Variants in TRDN observed in about 807,000 individuals in gnomAD.
The protein encoded by TRDN is triadin in skeletal muscle.
In TRDN, 161 loss-of-function variants were observed where a neutral mutation model predicts 149.7. The observed-to-expected ratio is 1.08, with a 90% CI of 0.95 to 1.23. The LOEUF is 1.23. Among genes scored for constraint, TRDN ranks in the 50% most tolerant of loss-of-function variants. The pLI is 0.00. For synonymous variants in TRDN, 294 were observed against 250.5 expected (o/e 1.17, Z -1.64); for missense variants, 896 against 823.5 (o/e 1.09, Z -1.08).
At chr6:123,605,174 C>T (rs1043772860) in intron 1 of TRDN, among the ~76,000 whole-genome samples, 4 of 150,602 alleles carry the variant, frequency 2.7e-5, no homozygotes, top group African/African-American at 7.3e-5. Context: ...GCCTTCTATC[C>T]TCATTTTATT....
intron 1 of TRDN, among the ~76,000 whole-genome samples, chr6:123,572,501 G>A (rs9385304): frequency 0.55 from 83,193 of 151,888 alleles, 22,902 homozygotes; most frequent in Admixed American, 0.57. Flanking sequence ...CACTTGACTC[G>A]TAGAAAGTTA....
chr6:123,592,374 A>G (rs959435686), intron 1 of TRDN, among the ~76,000 whole-genome samples: 13 of 152,196 alleles, frequency 8.5e-5, no homozygotes, highest in African/African-American at 3.1e-4. Context: ...GTTAAAAAAT[A>G]AATGAAAAAT....
Position 123,260,608 on chromosome 6 carries a change from T to G in TRDN, c.1831+4A>C, listed in dbSNP as rs1190432481. The G allele has an allele frequency of 6.8e-7, 1 of 1,468,148 alleles. No homozygotes were observed. The highest frequency in any genetic ancestry group is 9.0e-7 in the Non-Finnish European group (1 of 1,107,548). The allele number at this position is 1,468,148 out of a possible 1,614,324, so 90.9% of individuals were successfully genotyped here. ...TTATCTCCTCTGAAAAAGTAAATATTTACCTGATTCTGTGACTTCTGATGT... is the reference window on the plus strand; with the variant it reads ...TTATCTCCTCTGAAAAAGTAAATATGTACCTGATTCTGTGACTTCTGATGT... On this transcript the variant is annotated splice_donor_region_variant and intron_variant, in intron 34 of 40. Coordinates refer to ENST00000334268, the MANE Select transcript of TRDN (RefSeq NM_006073.4).
intron 10 of TRDN, among the ~76,000 whole-genome samples, chr6:123,456,131 G>A (rs944757037): frequency 2.1e-4 from 32 of 152,072 alleles, no homozygotes; most frequent in African/African-American, 7.5e-4. Context: ...TTTAAAATAT[G>A]ATTTGACTTT....
At chr6:123,231,220 C>A (rs1289982240) in intron 38 of TRDN, among the ~76,000 whole-genome samples, 1 of 151,806 alleles carries the variant, frequency 6.6e-6, no homozygotes, top group Non-Finnish European at 1.5e-5. Flanking sequence ...ATTTACAAAC[C>A]CATATAGAGA....
intron 24 of TRDN, among the ~76,000 whole-genome samples, chr6:123,286,262 T>G (rs548498231): frequency 2.0e-5 from 3 of 152,024 alleles, no homozygotes; most frequent in African/African-American, 7.2e-5. Context: ...TGCAAAAACA[T>G]GGAATCACCC....
At chr6:123,352,899 T>C (rs1780521342) in intron 20 of TRDN, among the ~76,000 whole-genome samples, 1 of 151,932 alleles carries the variant, frequency 6.6e-6, no homozygotes, top group South Asian at 2.1e-4. Context: ...TCTACTTGCA[T>C]TCCAGGTTAT....
chr6:123,350,969 C>A, intron 21 of TRDN: 1 of 985,028 alleles, frequency 1.0e-6, no homozygotes, highest in Non-Finnish European at 1.2e-6. Flanking sequence ...ATGAAACTGA[C>A]ACCAATGTGA....
At chr6:123,615,707 A>C (rs1304994776) in intron 1 of TRDN, among the ~76,000 whole-genome samples, 1 of 152,174 alleles carries the variant, frequency 6.6e-6, no homozygotes, top group East Asian at 1.9e-4. Context: ...AGTTGATCTC[A>C]TAGACGTAGA....
In TRDN at chr6:123,557,809, C is replaced by T. The variant is rs537179219; in HGVS notation, c.233-9197G>A. Among the ~76,000 whole-genome samples, 3 of 151,716 alleles carry T rather than the reference C, an allele frequency of 2.0e-5. No individual in the cohort carries two copies. In the South Asian group the frequency reaches 6.3e-4, roughly 32 times the overall value. On this transcript the variant is annotated intron_variant, in intron 2 of 40. Coordinates refer to ENST00000334268, the MANE Select transcript of TRDN (RefSeq NM_006073.4). ...ACTTTCCTGGGGGGCAAGCACCCCC[C>T]CCACCCCTTCTCTCCATGTCTCTAC... is the stretch of plus-strand genomic sequence containing the variant.
intron 2 of TRDN, among the ~76,000 whole-genome samples, chr6:123,552,949 T>C (rs978463410): frequency 1.3e-5 from 2 of 152,162 alleles, no homozygotes; most frequent in African/African-American, 4.8e-5. Context: ...TTAGAACATA[T>C]TCAGTTAGTG....
intron 24 of TRDN, among the ~76,000 whole-genome samples, chr6:123,313,465 T>C (rs1367504526): frequency 6.6e-6 from 1 of 151,942 alleles, no homozygotes; most frequent in East Asian, 1.9e-4. Flanking sequence ...TGAATGGAGA[T>C]TTTTGTTTGT....
intron 2 of TRDN, among the ~76,000 whole-genome samples, chr6:123,558,462 T>C (rs1289490944): frequency 6.6e-6 from 1 of 152,148 alleles, no homozygotes; most frequent in African/African-American, 2.4e-5. Flanking sequence ...TGGCTGGAGC[T>C]AAAAGCATAG....
intron 31 of TRDN, among the ~76,000 whole-genome samples, chr6:123,268,823 A>T (rs1232478043): frequency 2.0e-5 from 3 of 152,026 alleles, no homozygotes; most frequent in Non-Finnish European, 4.4e-5. Flanking sequence ...TGCAGCCAAT[A>T]TTCAAGGTAT....
intron 9 of TRDN, chr6:123,469,618 T>C (rs537064799): frequency 8.5e-5 from 13 of 152,440 alleles, no homozygotes; most frequent in African/African-American, 3.1e-4. Flanking sequence ...GTACTTTGCG[T>C]TTCTTTTCTT....
chr6:123,362,124 T>C (rs1780932384), intron 20 of TRDN, among the ~76,000 whole-genome samples: 1 of 152,172 alleles, frequency 6.6e-6, no homozygotes, highest in South Asian at 2.1e-4. Flanking sequence ...GCTATTGTCA[T>C]TAAATTATTT....
chr6:123,454,480 A>G (rs1358145922), intron 10 of TRDN, among the ~76,000 whole-genome samples: 1 of 152,144 alleles, frequency 6.6e-6, no homozygotes, highest in Admixed American at 6.6e-5. Context: ...TATGCACTAG[A>G]ATATACTTCA....
chr6:123,629,222 C>T (rs35153320), intron 1 of TRDN, among the ~76,000 whole-genome samples: 9,307 of 152,108 alleles, frequency 0.061, 367 homozygotes, highest in Middle Eastern at 0.11. Flanking sequence ...TTTTCAAAGG[C>T]AACAGACAAT....
chr6:123,261,794 G>C (rs923384665), intron 33 of TRDN, among the ~76,000 whole-genome samples: 1 of 151,776 alleles, frequency 6.6e-6, no homozygotes, highest in South Asian at 2.1e-4. Flanking sequence ...TTCTAGTTTT[G>C]ACTTCCAACC....
Sources: allele counts gnomAD v4.1 joint callset (sites outside exome capture counted in the v4.1 genomes callset), GRCh38; gene constraint gnomAD v4.1.1; transcripts MANE v1.5; gene names NCBI Gene and HGNC (gene_info 2026-07-23, HGNC 2026-07-21).